The following FCMR variants were observed in gnomAD, a reference collection of about 807,000 sequenced individuals.
FCMR encodes Fc mu receptor.
Under a neutral mutation model 41.6 loss-of-function variants are expected in FCMR, and 34 were observed. That is an observed-to-expected ratio of 0.82 (90% CI 0.62 to 1.09). FCMR has a LOEUF of 1.09. FCMR is among the 50% of genes least tolerant of loss of function. The pLI is 0.00. For missense variants in FCMR, 496 were observed against 512.5 expected (o/e 0.97, Z 0.31); for synonymous variants, 209 against 211.8 (o/e 0.99, Z 0.12).
intron 4 of FCMR, among the ~76,000 whole-genome samples, chr1:206,910,637 G>A (rs1253966046): frequency 6.6e-6 from 1 of 152,186 alleles, no homozygotes; most frequent in East Asian, 1.9e-4. Flanking sequence ...ACTGTTATGA[G>A]GATGAAATAA....
chr1:206,909,815 A>T lies in FCMR; in HGVS notation c.895T>A (p.Ser299Thr), dbSNP rs1306588532. 1 of 1,421,126 alleles carries T rather than the reference A, an allele frequency of 7.0e-7. No individual in the cohort carries two copies. Among genetic ancestry groups the T allele is most frequent in the African/African-American group, 1.5e-5 (1 of 65,946 alleles). 88.0% of individuals were successfully genotyped at this position (1,421,126 alleles called of 1,614,324 possible). A position where few individuals can be genotyped will look rare whatever the true frequency, so the allele number is the denominator to read the frequency against. ...LAVRMRALES[S>T]QRPRGSPRPR... is the part of the protein sequence containing the mutation. Reference sequence around the variant, plus strand: ...CGCGGCGACCCGCGGGGCCTCTGGGAGCTCTCCAGGGCGCGCATCCTCACG... The same window carrying T: ...CGCGGCGACCCGCGGGGCCTCTGGGTGCTCTCCAGGGCGCGCATCCTCACG... Residue 299 changes from serine (S) to threonine (T), a missense_variant, in exon 6 of 8, where the codon TCC (serine) becomes ACC (threonine). Transcript: ENST00000367091. This position sits in a 1 kb window ranked among gnomAD's most constrained non-coding sequence, Gnocchi z 5.0.
In FCMR at chr1:206,913,022, C is replaced by T. The variant is rs1386407212; in HGVS notation, c.394G>A (p.Glu132Lys). The T allele has an allele frequency of 1.2e-6, 2 of 1,613,106 alleles. No individual in the cohort carries two copies. The highest frequency in any genetic ancestry group is 1.7e-6 in the Non-Finnish European group (2 of 1,179,190). Residue 132 changes from glutamate to lysine, a missense_variant, in exon 3 of 8, where the codon GAG becomes AAG. Glu to Lys is a moderately conservative substitution (Grantham distance 56). Coordinates refer to ENST00000367091, the MANE Select transcript of FCMR (RefSeq NM_005449.5). Reference sequence around the variant, plus strand: ...TTTGGAGTCTCAGGCATTGGCTGCTCTTCCCATGATGGCTCGTATTCTATT... The same window carrying T: ...TTTGGAGTCTCAGGCATTGGCTGCTTTTCCCATGATGGCTCGTATTCTATT... ...VHSEYEPSWE[E>K]QPMPETPKWF...
chr1:206,906,437 A>G (rs189752), intron 7 of FCMR: 56,315 of 160,004 alleles, frequency 0.35, 11,082 homozygotes, highest in Middle Eastern at 0.48. Context: ...CGAACTTTGA[A>G]AAAAGTGAGC....
At chr1:206,908,272 C>T (rs1326021584) in intron 7 of FCMR, 9 of 1,069,312 alleles carry the variant, frequency 8.4e-6, no homozygotes, top group Middle Eastern at 2.0e-4. Flanking sequence ...GCCTGGCCTG[C>T]CCTTCCTCCA....
rs1678845022 is a variant in FCMR, at chr1:206,909,836, T to A, written c.874A>T (p.Arg292Trp). The change falls in exon 6 of 8, where the codon AGG becomes TGG. Residue 292 changes from arginine (R) to tryptophan (W), a missense_variant. Transcript: ENST00000367091. This position sits in a 1 kb window ranked among gnomAD's most constrained non-coding sequence, Gnocchi z 5.0. ...TGGGAGCTCTCCAGGGCGCGCATCC[T>A]CACGGCCAGTCGGCGGGCCCGCCTG... ...LSRRARRLAV[R>W]MRALESSQRP... is the part of the protein sequence containing the mutation. 1 of 1,390,680 alleles carries A rather than the reference T, an allele frequency of 7.2e-7. No homozygotes were observed. The highest frequency in any genetic ancestry group is 9.3e-7 in the Non-Finnish European group (1 of 1,075,604). The allele number at this position is 1,390,680 out of a possible 1,614,324, so 86.1% of individuals were successfully genotyped here.
chr1:206,911,618 C>G (rs1306320740), intron 4 of FCMR, 112 bp downstream of exon 4: 1 of 961,540 alleles, frequency 1.0e-6, no homozygotes, highest in Non-Finnish European at 1.6e-6. Flanking sequence ...GTATATTTCA[C>G]AGTGGCCTAG....
At chr1:206,916,376 G>A (rs1029435257) in intron 1 of FCMR, among the ~76,000 whole-genome samples, 6 of 152,238 alleles carry the variant, frequency 3.9e-5, no homozygotes, top group Admixed American at 3.9e-4. Context: ...GGAAGGGGGT[G>A]TGAATGCCAC....
chr1:206,913,883 G>T lies in FCMR; in HGVS notation c.249C>A (p.Arg83=), dbSNP rs767350398. 1.9e-6 allele frequency: 3 copies of T among 1,614,242 alleles called. No individual in the cohort carries two copies. The highest frequency in any genetic ancestry group is 1.7e-5 in the Admixed American group (1 of 60,028). ...KGRVTLKQYP[R]KNLFLVEVTQ... ...TTACCTCCACTAGGAACAGATTCTT[G>T]CGTGGGTATTGCTTCAGAGTAACTC... is the stretch of plus-strand genomic sequence containing the variant. Residue 83 remains arginine (R), a synonymous_variant, in exon 2 of 8, where the codon CGC becomes CGA. Coordinates refer to ENST00000367091, the MANE Select transcript of FCMR (RefSeq NM_005449.5).
intron 3 of FCMR, among the ~76,000 whole-genome samples, chr1:206,912,726 G>C (rs1396048937): frequency 6.6e-6 from 1 of 152,190 alleles, no homozygotes; most frequent in East Asian, 1.9e-4. Context: ...AGGACCAGGG[G>C]ACCTGACTGT....
chr1:206,921,339 A>T lies in FCMR; in HGVS notation c.37+479T>A, dbSNP rs1336938708. ...CACCTGGCTGGGCACAGTGGCTCAC[A>T]CCTGTAATCCCAGCGCTTTGTGAAG... On this transcript the variant is annotated intron_variant, in intron 1 of 7. Transcript: ENST00000367091. 9.7e-6 allele frequency: 4 copies of T among 410,264 alleles called. No individual in the cohort carries two copies. In the East Asian group the frequency reaches 2.9e-4, roughly 30 times the overall value. 25.4% of individuals were successfully genotyped at this position (410,264 alleles called of 1,614,324 possible). A position where few individuals can be genotyped will look rare whatever the true frequency, so the allele number is the denominator to read the frequency against.
chr1:206,914,185 C>T lies in FCMR; in HGVS notation c.38-91G>A. The T allele has an allele frequency of 3.0e-6, 3 of 999,156 alleles. No homozygotes were observed. The Admixed American group carries it at 6.1e-5, about 20-fold the overall frequency. 61.9% of individuals were successfully genotyped at this position (999,156 alleles called of 1,614,324 possible). ...TCCCAGCTCCAGCCGTCTCTCCAAC[C>T]CTAGCCCAGGCCCCAGCCCAACCTC... On this transcript the variant is annotated intron_variant, in intron 1 of 7. Coordinates refer to ENST00000367091, the MANE Select transcript of FCMR (RefSeq NM_005449.5).
intron 1 of FCMR, among the ~76,000 whole-genome samples, chr1:206,920,370 G>A (rs892947375): frequency 4.0e-5 from 6 of 150,246 alleles, no homozygotes; most frequent in African/African-American, 1.5e-4. Context: ...CAGGAGAATC[G>A]CTTGAACCCA....
In FCMR at chr1:206,911,952, A is replaced by G. The variant is rs1281930734; in HGVS notation, c.488T>C (p.Val163Ala). 9 of 1,607,958 alleles carry G rather than the reference A, an allele frequency of 5.6e-6. No individual in the cohort carries two copies. Among genetic ancestry groups the G allele is most frequent in the Non-Finnish European group, 7.6e-6 (9 of 1,177,822 alleles). ...YASSSKFVTR[V>A]TTPAQRGKVP... ...CTTGCCCCTTTGAGCTGGTGTGGTAACTGCAGGAGGTAGCAGGAAAAAGGG... is the reference window on the plus strand; with the variant it reads ...CTTGCCCCTTTGAGCTGGTGTGGTAGCTGCAGGAGGTAGCAGGAAAAAGGG... The change falls in exon 4 of 8, where the codon GTT becomes GCT. Residue 163 changes from valine (V) to alanine (A), a missense_variant and splice_region_variant. Physicochemically the swap from Val to Ala is moderately conservative, Grantham distance 64 (BLOSUM62 0). Transcript: ENST00000367091.
rs775338621 is a variant in FCMR at position 206,913,772 on chromosome 1, C to T, written c.360G>A (p.Leu120=). The T allele has an allele frequency of 6.2e-7, 1 of 1,613,946 alleles. No homozygotes were observed. The highest frequency in any genetic ancestry group is 1.3e-5 in the African/African-American group (1 of 74,920). ...GGAGGAACCTACCACTGTGGACATT[C>T]AGGGTGACTTTCTGGGTCTTTCCCC... ...TDRGKTQKVT[L]NVHSEYEPSW... The change falls in exon 2 of 8, where the codon CTG becomes CTA. Residue 120 remains leucine, a synonymous_variant. Coordinates refer to ENST00000367091, the MANE Select transcript of FCMR (RefSeq NM_005449.5).
rs528680053 is a variant in FCMR at position 206,903,705 on chromosome 1, A to G, written c.*1314T>C. 2 of 152,248 alleles carry G rather than the reference A, an allele frequency of 1.3e-5. No individual in the cohort carries two copies. Among genetic ancestry groups the G allele is most frequent in the Non-Finnish European group, 2.9e-5 (2 of 68,000 alleles). The allele number at this position is 152,248 out of a possible 1,614,324, so 9.4% of individuals were successfully genotyped here. On this transcript the variant is annotated 3_prime_UTR_variant, in exon 8 of 8. Transcript: ENST00000367091. ...CCCACACTCGCCAGCTCACCCCATC[A>G]TCCCTTTCCCTTGGTGCCCTCCTTT...
intron 4 of FCMR, among the ~76,000 whole-genome samples, chr1:206,910,935 G>A (rs1678913146): frequency 6.6e-6 from 1 of 152,138 alleles, no homozygotes; most frequent in Non-Finnish European, 1.5e-5. Flanking sequence ...GGTCATGCCT[G>A]TTTCAGACTT....
At chr1:206,911,235 A>AG (rs1313004176) in intron 4 of FCMR, among the ~76,000 whole-genome samples, 12 of 122,108 alleles carry the variant, frequency 9.8e-5, no homozygotes, top group African/African-American at 2.8e-4. Context: ...TGATTATTAT[A>AG]GGGTTTTTTT....
At chr1:206,914,195 GC>G in intron 1 of FCMR, 101 bp from the exon 2 acceptor site, 1 of 863,336 alleles carries the variant, frequency 1.2e-6, no homozygotes. Flanking sequence ...CCTAGCCCAG[GC>G]CCCAGCCCAA....
chr1:206,921,732 A>G, intron 1 of FCMR, 86 bp downstream of exon 1: 1 of 1,279,546 alleles, frequency 7.8e-7, no homozygotes, highest in Non-Finnish European at 1.1e-6. Context: ...CAGAAACATC[A>G]GAGCTAGAGC....
Sources: allele counts gnomAD v4.1 joint callset (sites outside exome capture counted in the v4.1 genomes callset), GRCh38; gene constraint gnomAD v4.1.1; non-coding constraint Gnocchi (gnomAD v3.1); transcripts MANE v1.5; gene names NCBI Gene and HGNC (gene_info 2026-07-23, HGNC 2026-07-21).